Variants in NTRK2 observed in about 807,000 individuals in gnomAD.
NTRK2 encodes BDNF/NT-3 growth factors receptor.
NTRK2 carries 13 observed loss-of-function variants against 94.5 expected under a neutral mutation model. The observed-to-expected ratio is 0.14, with a 90% CI of 0.09 to 0.22. The LOEUF is 0.22. Among genes scored for constraint, NTRK2 ranks in the 10% least tolerant of loss-of-function variants. The probability of loss-of-function intolerance (pLI) is 1.00; values close to 1 mark genes in which losing one functional copy is unlikely to be tolerated. For synonymous variants in NTRK2, 372 were observed against 407.4 expected, an observed-to-expected ratio of 0.91 and a Z score of 1.05; for missense variants, 639 against 1,071.2, an observed-to-expected ratio of 0.60 and a Z score of 5.63.
chr9:84,854,665 G>A (rs1000414614), intron 12 of NTRK2, among the ~76,000 whole-genome samples: 2 of 151,998 alleles, frequency 1.3e-5, no homozygotes, highest in Non-Finnish European at 2.9e-5. Context: ...AGAGCCTGAG[G>A]GCCGGGCGCG....
Position 85,015,813 on chromosome 9 carries a change from G to A in NTRK2, c.2173-4393G>A, listed in dbSNP as rs536072013. Among the ~76,000 whole-genome samples, 4 of 152,310 alleles carry A rather than the reference G, an allele frequency of 2.6e-5. No homozygotes were observed. The South Asian group carries it at 8.3e-4, about 32-fold the overall frequency. ...GGGAAGAAGATCAAACTTTCTAAGA[G>A]GCATGAGTAACTTGGCCCTGGGTAG... On this transcript the variant is annotated intron_variant, in intron 17 of 18. Transcript: ENST00000277120.
chr9:84,715,334 A>G (rs1411436389), intron 6 of NTRK2, among the ~76,000 whole-genome samples: 2 of 151,806 alleles, frequency 1.3e-5, no homozygotes, highest in Non-Finnish European at 2.9e-5. Flanking sequence ...TTTTTGAGAG[A>G]GTCTCATTTC....
intron 14 of NTRK2, among the ~76,000 whole-genome samples, chr9:84,886,398 A>G (rs2076415753): frequency 6.6e-6 from 1 of 152,198 alleles, no homozygotes; most frequent in Non-Finnish European, 1.5e-5. Context: ...AATGCCCAAC[A>G]TTTGATGGTT....
At chr9:84,997,813 A>G (rs1229548301) in intron 17 of NTRK2, among the ~76,000 whole-genome samples, 3 of 152,182 alleles carry the variant, frequency 2.0e-5, no homozygotes, top group African/African-American at 7.2e-5. Context: ...GTGGAATGGC[A>G]GAAGGAAGAG....
chr9:84,674,007 C>T lies in NTRK2; in HGVS notation c.212+3047C>T, dbSNP rs142949166. ...CTGTTGTTGGAATTATGTAACTGGC[C>T]GTTTAAATCCCAGTTGTATTAAGTG... On this transcript the variant is annotated intron_variant, in intron 2 of 18. Transcript: ENST00000277120. Among the ~76,000 whole-genome samples, 840 of 152,226 alleles carry T rather than the reference C, an allele frequency of 5.5e-3. 5 individuals carry two copies. Among genetic ancestry groups the T allele is most frequent in the Non-Finnish European group, 9.3e-3 (632 of 68,026 alleles).
intron 12 of NTRK2, among the ~76,000 whole-genome samples, chr9:84,784,997 T>C (rs2067980639): frequency 6.6e-6 from 1 of 152,226 alleles, no homozygotes; most frequent in Non-Finnish European, 1.5e-5. Flanking sequence ...AACCCATTTA[T>C]ACAGTAGAAT....
Position 84,810,919 on chromosome 9 carries a change from T to G in NTRK2, c.1397-50121T>G, listed in dbSNP as rs1248467048. 3 of 1,190,482 alleles carry G rather than the reference T, an allele frequency of 2.5e-6. No individual in the cohort carries two copies. The East Asian group carries it at 1.1e-4, about 42-fold the overall frequency. The allele number at this position is 1,190,482 out of a possible 1,614,324, so 73.7% of individuals were successfully genotyped here. A position where few individuals can be genotyped will look rare whatever the true frequency, so the allele number is the denominator to read the frequency against. On this transcript the variant is annotated intron_variant, in intron 12 of 18. Coordinates refer to ENST00000277120, the MANE Select transcript of NTRK2 (RefSeq NM_006180.6). ...TACTTCTCTTCTGAAAAGTGTGCTT[T>G]TTGACCCTACTGGACATTTATTGAC... is the stretch of plus-strand genomic sequence containing the variant.
At chr9:85,007,569 A>G (rs1831112679) in intron 17 of NTRK2, among the ~76,000 whole-genome samples, 1 of 152,176 alleles carries the variant, frequency 6.6e-6, no homozygotes, top group Admixed American at 6.5e-5. Context: ...GAATGATGGA[A>G]CTTGAAGATT....
At chr9:84,755,755 T>C (rs2065033533) in intron 12 of NTRK2, among the ~76,000 whole-genome samples, 1 of 152,126 alleles carries the variant, frequency 6.6e-6, no homozygotes, top group Non-Finnish European at 1.5e-5. Context: ...GAATATGTTG[T>C]TTTTTCAGTT....
chr9:84,925,718 G>A lies in NTRK2; in HGVS notation c.1634-8444G>A, dbSNP rs530468346. ...ATGGATGAGGGATGGGAAGGAGCCC[G>A]CCCTCAGCTCTGTACCAGCCTCTGT... On this transcript the variant is annotated intron_variant, in intron 14 of 18. Coordinates refer to ENST00000277120, the MANE Select transcript of NTRK2 (RefSeq NM_006180.6). 1.6e-4 allele frequency among the ~76,000 whole-genome samples: 24 copies of A among 152,256 alleles called. 1 individual carries two copies. Among genetic ancestry groups the A allele is most frequent in the Admixed American group, 5.9e-4 (9 of 15,308 alleles).
chr9:84,923,593 A>T (rs913572349), intron 14 of NTRK2, among the ~76,000 whole-genome samples: 2 of 152,240 alleles, frequency 1.3e-5, no homozygotes, highest in Non-Finnish European at 2.9e-5. Context: ...CATTGGTAAA[A>T]GCCAACTTAC....
chr9:84,700,774 A>G (rs762235298), intron 2 of NTRK2, among the ~76,000 whole-genome samples: 2 of 152,060 alleles, frequency 1.3e-5, no homozygotes, highest in African/African-American at 2.4e-5. Flanking sequence ...AGGGCTGCAT[A>G]TTTGTTTTCA....
At chr9:84,798,982 C>G (rs1482728354) in intron 12 of NTRK2, among the ~76,000 whole-genome samples, 1 of 146,844 alleles carries the variant, frequency 6.8e-6, no homozygotes, top group Non-Finnish European at 1.5e-5. Flanking sequence ...TAACTATTAT[C>G]ATTAGCTCCA....
chr9:84,838,213 G>A (rs909741138), intron 12 of NTRK2, among the ~76,000 whole-genome samples: 1 of 152,070 alleles, frequency 6.6e-6, no homozygotes, highest in Non-Finnish European at 1.5e-5. Context: ...ACAGCAGCAG[G>A]AACAGCTATA....
rs2058642190 is a variant in NTRK2 at position 84,670,675 on chromosome 9, C to T, written c.-74C>T. 1.3e-6 allele frequency: 2 copies of T among 1,488,652 alleles called. No individual in the cohort carries two copies. Among genetic ancestry groups the T allele is most frequent in the Admixed American group, 3.3e-5 (2 of 59,780 alleles). 92.2% of individuals were successfully genotyped at this position (1,488,652 alleles called of 1,614,324 possible). On this transcript the variant is annotated 5_prime_UTR_variant, in exon 2 of 19. Coordinates refer to ENST00000277120, the MANE Select transcript of NTRK2 (RefSeq NM_006180.6). ...AGAGAGCCGCAAGCGCAGGGAAGGCCTCCCCGCACGGGTGGGGGAAAGCGG... is the reference window on the plus strand; with the variant it reads ...AGAGAGCCGCAAGCGCAGGGAAGGCTTCCCCGCACGGGTGGGGGAAAGCGG...
intron 2 of NTRK2, among the ~76,000 whole-genome samples, chr9:84,680,071 A>AT (rs1195961486): frequency 6.6e-6 from 1 of 151,214 alleles, no homozygotes; most frequent in Non-Finnish European, 1.5e-5. Flanking sequence ...ATCAAATCTT[A>AT]TTTTTCTGCT....
chr9:85,002,695 C>A (rs1039540133), intron 17 of NTRK2, among the ~76,000 whole-genome samples: 1 of 152,084 alleles, frequency 6.6e-6, no homozygotes, highest in Non-Finnish European at 1.5e-5. Context: ...TCTTGTTATT[C>A]GATGGTTGCA....
At chr9:84,770,177 C>CACAA (rs1473207779) in intron 12 of NTRK2, among the ~76,000 whole-genome samples, 1 of 151,860 alleles carries the variant, frequency 6.6e-6, no homozygotes, top group African/African-American at 2.4e-5. Context: ...CACACACACA[C>CACAA]ACACACACAC....
In NTRK2 at chr9:84,867,352, T is replaced by C. The variant is rs1321925393; in HGVS notation, c.1554T>C (p.Ile518=). Residue 518 remains isoleucine (I), a synonymous_variant, in exon 14 of 19, where the codon ATT becomes ATC. Transcript: ENST00000277120. The stretch of plus-strand genomic sequence containing the variant: ...CGGAAGGTGGCCCAGATGCTGTCAT[T>C]ATTGGAATGACCAAGATCCCTGTCA... ...SSSEGGPDAV[I]IGMTKIPVIE... The C allele has an allele frequency of 6.2e-7, 1 of 1,614,102 alleles. No homozygotes were observed. The highest frequency in any genetic ancestry group is 2.2e-5 in the East Asian group (1 of 44,880).
Sources: gnomAD v4.1 joint callset for allele counts (sites outside exome capture counted in the v4.1 genomes callset) on GRCh38, gnomAD v4.1.1 for gene constraint, MANE v1.5 for transcripts, NCBI Gene and HGNC (gene_info 2026-07-23, HGNC 2026-07-21) for gene names.